Variants in LIG3 observed in about 807,000 individuals in gnomAD.
LIG3 encodes ligase II, DNA, ATP-dependent.
In LIG3, 58 loss-of-function variants were observed where a neutral mutation model predicts 110.9. That is an observed-to-expected ratio of 0.52 (90% CI 0.42 to 0.65). LIG3 has a LOEUF of 0.65. Ranked by LOEUF, LIG3 falls within the 30% of genes least tolerant of loss-of-function variation. The probability of loss-of-function intolerance (pLI) is 0.00; values close to 1 mark genes in which losing one functional copy is unlikely to be tolerated. For synonymous variants in LIG3, 422 were observed against 472.8 expected, an observed-to-expected ratio of 0.89 and a Z score of 1.39; for missense variants, 1,094 against 1,273.8, an observed-to-expected ratio of 0.86 and a Z score of 2.15.
rs763097262 is a variant in LIG3 at position 34,989,607 on chromosome 17, G to C, written c.833G>C (p.Ser278Thr). 3.7e-6 allele frequency: 6 copies of C among 1,614,026 alleles called. No individual in the cohort carries two copies. The African/African-American group carries it at 8.0e-5, about 22-fold the overall frequency. ...KLCAMVADNP[S>T]YNTKTQIIQD... Reference sequence around the variant, plus strand: ...TGCGCCATGGTGGCCGATAATCCTAGCTACAACACGAAGACCCAGATCATC... The same window carrying C: ...TGCGCCATGGTGGCCGATAATCCTACCTACAACACGAAGACCCAGATCATC... Residue 278 changes from serine (S) to threonine (T), a missense_variant, in exon 4 of 20, where the codon AGC becomes ACC. Physicochemically the swap from Ser to Thr is moderately conservative, Grantham distance 58. Coordinates refer to ENST00000378526, the MANE Select transcript of LIG3 (RefSeq NM_013975.4).
chr17:34,981,684 C>T (rs1016948847), intron 1 of LIG3: 9 of 152,356 alleles, frequency 5.9e-5, no homozygotes, highest in Non-Finnish European at 1.2e-4. Context: ...TCCAGGTCCA[C>T]CAGCTTTCCT....
At chr17:34,982,436 G>A (rs1030833128) in intron 1 of LIG3, among the ~76,000 whole-genome samples, 4 of 152,024 alleles carry the variant, frequency 2.6e-5, no homozygotes, top group Admixed American at 6.5e-5. Context: ...CCTGAGGTCG[G>A]GAGTTGGAGA....
At position 34,992,830 on chromosome 17, in the gene LIG3, AG is replaced by A. The variant is rs2090739817; in HGVS notation, c.1455+143del. 3.5e-6 allele frequency: 3 copies of A among 848,958 alleles called. No individual in the cohort carries two copies. In the East Asian group the frequency reaches 9.1e-5, roughly 26 times the overall value. 52.6% of individuals were successfully genotyped at this position (848,958 alleles called of 1,614,324 possible). A position where few individuals can be genotyped will look rare whatever the true frequency, so the allele number is the denominator to read the frequency against. On this transcript the variant is annotated intron_variant, in intron 8 of 19. Transcript: ENST00000378526. ...TTTAGGGAAGGAAGAGGGAGGTGCA[AG>A]GGGGTATTTCTCTGTAGGAGGCGAA...
rs1328543425 is a variant in LIG3, at chr17:35,008,619, T to TTTG, written c.*4116_*4118dup. 2.6e-5 allele frequency: 4 copies of TTTG among 151,522 alleles called. No homozygotes were observed. Among genetic ancestry groups the TTTG allele is most frequent in the Non-Finnish European group, 2.9e-5 (2 of 67,938 alleles). 9.4% of individuals were successfully genotyped at this position (151,522 alleles called of 1,614,324 possible). A position where few individuals can be genotyped will look rare whatever the true frequency, so the allele number is the denominator to read the frequency against. ...CTAATTTTTTGGTTTTTTTGGGTTT[T>TTTG]TTGTTTGTGTTTTTTTTTGTTTTGT... is the stretch of plus-strand genomic sequence containing the variant. On this transcript the variant is annotated 3_prime_UTR_variant, in exon 20 of 20. Transcript: ENST00000378526.
At chr17:34,992,474 G>A in intron 7 of LIG3, 50 bp from the exon 8 acceptor site, 1 of 1,519,324 alleles carries the variant, frequency 6.6e-7, no homozygotes, top group Admixed American at 2.2e-5. Context: ...AAGCCATGGA[G>A]TCAAACAAAG....
chr17:34,983,387 T>G lies in LIG3; in HGVS notation c.382T>G (p.Ser128Ala), dbSNP rs1021764612. Residue 128 changes from serine to alanine, a missense_variant, in exon 2 of 20, where the codon TCA becomes GCA. Transcript: ENST00000378526. ...RIGKVVPNPF[S>A]ESGGDMKEWY... Reference sequence around the variant, plus strand: ...TGGCAAAGTGGTGCCCAATCCCTTCTCAGAGTCTGGGGGTGATATGAAAGA... The same window carrying G: ...TGGCAAAGTGGTGCCCAATCCCTTCGCAGAGTCTGGGGGTGATATGAAAGA... 9.3e-6 allele frequency: 15 copies of G among 1,614,068 alleles called. No individual in the cohort carries two copies. The highest frequency in any genetic ancestry group is 2.2e-5 in the East Asian group (1 of 44,892).
At position 34,999,805 on chromosome 17, in the gene LIG3, G is replaced by T; in HGVS notation, c.2280G>T (p.Trp760Cys). The T allele has an allele frequency of 6.2e-7, 1 of 1,614,144 alleles. No individual in the cohort carries two copies. Among genetic ancestry groups the T allele is most frequent in the Non-Finnish European group, 8.5e-7 (1 of 1,179,998 alleles). Residue 760 changes from tryptophan to cysteine, a missense_variant, in exon 16 of 20, where the codon TGG becomes TGT. Physicochemically the swap from Trp to Cys is radical, Grantham distance 215 (BLOSUM62 -2). Coordinates refer to ENST00000378526, the MANE Select transcript of LIG3 (RefSeq NM_013975.4). ...ISKDPSKIPS[W>C]LKVNKIYYPD... ...AGGACCCCAGCAAAATACCCAGCTG[G>T]TTGAAGGTCAACAAGATCTACTATC...
chr17:34,996,514 C>A, intron 10 of LIG3, 60 bp from the exon 11 acceptor site: 2 of 1,374,960 alleles, frequency 1.5e-6, no homozygotes, highest in Middle Eastern at 3.6e-4. Flanking sequence ...ACTGGTACTC[C>A]TTATTTTTTC....
rs761992873 is a variant in LIG3, at chr17:35,002,001, T to C, written c.2571T>C (p.Asn857=). ...CTACAGGGGGTAGCAGTGAAGAGAA[T>C]AAGGGTCCCTCAGGGTCTGCTGTGT... The part of the protein sequence containing the change: ...SSTTGGSSEE[N]KGPSGSAVSR... Residue 857 remains asparagine, a synonymous_variant, in exon 18 of 20, where the codon AAT becomes AAC. Transcript: ENST00000378526. The C allele has an allele frequency of 6.2e-7, 1 of 1,612,784 alleles. No homozygotes were observed. Among genetic ancestry groups the C allele is most frequent in the Admixed American group, 1.7e-5 (1 of 59,806 alleles).
intron 15 of LIG3, 48 bp from the exon 16 acceptor site, chr17:34,999,734 C>A: frequency 6.7e-7 from 1 of 1,493,880 alleles, no homozygotes; most frequent in Non-Finnish European, 9.3e-7. Flanking sequence ...GGATTTAAGC[C>A]TTGTTCCAGG....
At chr17:34,982,927 C>T in intron 1 of LIG3, 75 bp from the exon 2 acceptor site, 1 of 1,247,784 alleles carries the variant, frequency 8.0e-7, no homozygotes. Context: ...AGACGCTGGC[C>T]TTTGGAAAAT....
rs1310077347 is a variant in LIG3 at position 34,994,097 on chromosome 17, T to C, written c.1456-179T>C. 9.6e-5 allele frequency: 52 copies of C among 539,172 alleles called. 4 individuals carry two copies. In the South Asian group the frequency reaches 1.3e-3, roughly 13 times the overall value. The allele number at this position is 539,172 out of a possible 1,614,324, so 33.4% of individuals were successfully genotyped here. ...ATTATTTCATAGGCAGAATACAACA[T>C]TGCCCAGCCCTTTCCGTTCCCATCA... is the stretch of plus-strand genomic sequence containing the variant. On this transcript the variant is annotated intron_variant, in intron 8 of 19. Transcript: ENST00000378526.
chr17:34,998,279 G>A lies in LIG3; in HGVS notation c.1972G>A (p.Val658Met), dbSNP rs1388889287. Residue 658 changes from valine (V) to methionine (M), a missense_variant, in exon 13 of 20, where the codon GTG (valine) becomes ATG (methionine). Transcript: ENST00000378526. ...GATCCAGGAGGGATTGGAGGGGCTG[G>A]TGCTGAAGGATGTGAAGGTAAAGTG... is the stretch of plus-strand genomic sequence containing the variant. ...RVIQEGLEGLVLKDVKGTYEP... is the reference protein window; with the variant it reads ...RVIQEGLEGLMLKDVKGTYEP... 10 of 1,613,416 alleles carry A rather than the reference G, an allele frequency of 6.2e-6. No homozygotes were observed. The South Asian group carries it at 6.6e-5, about 11-fold the overall frequency.
Position 34,992,648 on chromosome 17 carries a change from C to T in LIG3, c.1411C>T (p.Leu471=), listed in dbSNP as rs1316387664. 1 of 1,612,764 alleles carries T rather than the reference C, an allele frequency of 6.2e-7. No homozygotes were observed. Among genetic ancestry groups the T allele is most frequent in the Non-Finnish European group, 8.5e-7 (1 of 1,179,454 alleles). The change falls in exon 8 of 20, where the codon CTG becomes TTG. Residue 471 remains leucine, a synonymous_variant. Transcript: ENST00000378526. ...GAAGGAGCCGGGCCAGAGACGAGCT[C>T]TGAGCGTCCAGGCCTCGCTGATGAC... ...VEKEPGQRRA[L]SVQASLMTPV... is the part of the protein sequence containing the mutation.
Position 35,007,758 on chromosome 17 carries a change from C to T in LIG3, c.*3252C>T, listed in dbSNP as rs2090905663. The stretch of plus-strand genomic sequence containing the variant: ...AACCTTTTTTTTTTTTTTAAACAGA[C>T]TCTTGCTCTGTCATTCAGGCTGGAG... On this transcript the variant is annotated 3_prime_UTR_variant, in exon 20 of 20. Coordinates refer to ENST00000378526, the MANE Select transcript of LIG3 (RefSeq NM_013975.4). 1 of 149,884 alleles carries T rather than the reference C, an allele frequency of 6.7e-6. No homozygotes were observed. The highest frequency in any genetic ancestry group is 2.1e-4 in the South Asian group (1 of 4,710). The allele number at this position is 149,884 out of a possible 1,614,324, so 9.3% of individuals were successfully genotyped here. A position where few individuals can be genotyped will look rare whatever the true frequency, so the allele number is the denominator to read the frequency against.
chr17:34,988,052 G>A (rs1003621627), intron 3 of LIG3, among the ~76,000 whole-genome samples: 3 of 151,818 alleles, frequency 2.0e-5, no homozygotes, highest in Admixed American at 6.6e-5. Flanking sequence ...AATTAGCCGG[G>A]CGTGGTGGCA....
In LIG3 at chr17:34,997,726, T is replaced by G; in HGVS notation, c.1824-12T>G. 1.2e-6 allele frequency: 2 copies of G among 1,608,090 alleles called. No individual in the cohort carries two copies. The highest frequency in any genetic ancestry group is 1.7e-6 in the Non-Finnish European group (2 of 1,174,520). On this transcript the variant is annotated splice_polypyrimidine_tract_variant and intron_variant, in intron 11 of 19. Transcript: ENST00000378526. Reference sequence around the variant, plus strand: ...GATCCCGGCCTAACCTCAGCTCTCCTGTTCTCCTCAGACCTCTGTGTGAGC... The same window carrying G: ...GATCCCGGCCTAACCTCAGCTCTCCGGTTCTCCTCAGACCTCTGTGTGAGC...
At chr17:34,991,293 T>A (rs3135983) in intron 5 of LIG3, 179 bp downstream of exon 5, 11 of 629,228 alleles carry the variant, frequency 1.7e-5, no homozygotes, top group East Asian at 8.4e-5. Context: ...TCTTAATTTC[T>A]TAAGTTTCTG....
chr17:35,005,784 G>C lies in LIG3; in HGVS notation c.*1278G>C, dbSNP rs779941520. On this transcript the variant is annotated 3_prime_UTR_variant, in exon 20 of 20. Coordinates refer to ENST00000378526, the MANE Select transcript of LIG3 (RefSeq NM_013975.4). ...ATCAGTGGATACTGGATTTGCTCCT[G>C]TCAATGAAGTTCTAAAGGCTGTACC... 1.9e-6 allele frequency: 1 copy of C among 531,304 alleles called. No individual in the cohort carries two copies. Among genetic ancestry groups the C allele is most frequent in the Non-Finnish European group, 3.7e-6 (1 of 266,980 alleles). 32.9% of individuals were successfully genotyped at this position (531,304 alleles called of 1,614,324 possible). A position where few individuals can be genotyped will look rare whatever the true frequency, so the allele number is the denominator to read the frequency against.
Sources: gnomAD v4.1 joint callset for allele counts (sites outside exome capture counted in the v4.1 genomes callset) on GRCh38, gnomAD v4.1.1 for gene constraint, MANE v1.5 for transcripts, NCBI Gene and HGNC (gene_info 2026-07-23, HGNC 2026-07-21) for gene names.